The following C10orf105 variants were observed in gnomAD, a reference collection of about 807,000 sequenced individuals.
C10orf105 encodes uncharacterized protein C10orf105.
Under a neutral mutation model 0.6 loss-of-function variants are expected in C10orf105, and 2 were observed. The observed-to-expected ratio is 3.18, with a 90% confidence interval of 1.30 to 10.01. C10orf105 has a LOEUF of 10.01. Among genes scored for constraint, C10orf105 ranks in the 30% most tolerant of loss-of-function variants. The pLI, the probability that C10orf105 is intolerant of heterozygous loss-of-function variation, is 0.04. For synonymous variants in C10orf105, 95 were observed against 82.4 expected (o/e 1.15, Z -0.83); for missense variants, 209 against 191.4 (o/e 1.09, Z -0.54).
rs967980048 is a variant in C10orf105, at chr10:71,735,013, G to A, written c.-6+2715C>T. Reference sequence around the variant, plus strand: ...TAACGTCTCTGTGCTTCCCTTCCTCGGGTCTAAAACGAGGGTCATGCCAGC... The same window carrying A: ...TAACGTCTCTGTGCTTCCCTTCCTCAGGTCTAAAACGAGGGTCATGCCAGC... On this transcript the variant is annotated intron_variant, in intron 1 of 1. Coordinates refer to the C10orf105 transcript ENST00000398786. Among the ~76,000 whole-genome samples, 1 of 152,226 alleles carries A rather than the reference G, an allele frequency of 6.6e-6. No homozygotes were observed. Among genetic ancestry groups the A allele is most frequent in the Non-Finnish European group, 1.5e-5 (1 of 68,038 alleles).
intron 1 of C10orf105, among the ~76,000 whole-genome samples, chr10:71,726,301 G>A (rs979097509): frequency 5.3e-5 from 8 of 152,084 alleles, no homozygotes; most frequent in Non-Finnish European, 1.2e-4. Flanking sequence ...AGAGCAAGCA[G>A]GGACTTTCAC....
intron 1 of C10orf105, chr10:71,716,920 A>G (rs1299716706): frequency 6.6e-6 from 1 of 152,198 alleles, no homozygotes; most frequent in Non-Finnish European, 1.5e-5. Context: ...GAATTTCACC[A>G]CTGGCATTGG....
intron 1 of C10orf105, among the ~76,000 whole-genome samples, chr10:71,729,799 C>A (rs1336487045): frequency 1.3e-5 from 2 of 151,976 alleles, no homozygotes; most frequent in African/African-American, 4.8e-5. Flanking sequence ...TCATAACAAC[C>A]TTAGGAGTGG....
rs1325594724 is a variant in C10orf105 at position 71,715,987 on chromosome 10, G to T, written c.351C>A (p.Gly117=). The T allele has an allele frequency of 6.7e-7, 1 of 1,493,730 alleles. No individual in the cohort carries two copies. Among genetic ancestry groups the T allele is most frequent in the Admixed American group, 2.5e-5 (1 of 40,392 alleles). The allele number at this position is 1,493,730 out of a possible 1,614,324, so 92.5% of individuals were successfully genotyped here. The part of the protein sequence containing the change: ...RPTVPRQPLP[G]PEDNRSHCDY... ...CACAGTGGCTGCGGTTGTCCTCGGG[G>T]CCCGGCAGGGGCTGTCGAGGGACGG... Residue 117 remains glycine (G), a synonymous_variant, in exon 2 of 2, where the codon GGC becomes GGA. Transcript: ENST00000441508.
At chr10:71,728,766 T>A (rs762049015) in intron 1 of C10orf105, among the ~76,000 whole-genome samples, 1 of 152,148 alleles carries the variant, frequency 6.6e-6, no homozygotes, top group Non-Finnish European at 1.5e-5. Flanking sequence ...CACCCCAGCA[T>A]AGAGCAAAGA....
chr10:71,715,944 T>C lies in C10orf105; in HGVS notation c.394A>G (p.Lys132Glu), dbSNP rs1866199472. ...RSHCDYMEST[K>E]M ...TGTTTGTGGACACCCCATTACATCT[T>C]GGTAGATTCCATGTAGTCACAGTGG... The change falls in exon 2 of 2, where the codon AAG becomes GAG. Residue 132 changes from lysine (K) to glutamate (E), a missense_variant. By Grantham distance (56) the Lys-to-Glu change is moderately conservative. Coordinates refer to ENST00000441508, the MANE Select transcript of C10orf105 (RefSeq NM_001164375.3). The C allele has an allele frequency of 1.4e-6, 2 of 1,467,414 alleles. No homozygotes were observed. Among genetic ancestry groups the C allele is most frequent in the Non-Finnish European group, 9.0e-7 (1 of 1,109,068 alleles). The allele number at this position is 1,467,414 out of a possible 1,614,324, so 90.9% of individuals were successfully genotyped here.
At chr10:71,717,908 T>G (rs1447410479) in intron 1 of C10orf105, 1 of 152,226 alleles carries the variant, frequency 6.6e-6, no homozygotes, top group African/African-American at 2.4e-5. Flanking sequence ...TTCAAAATAA[T>G]GTGAAATGAA....
At chr10:71,725,303 T>C in intron 1 of C10orf105, 7 of 1,609,094 alleles carry the variant, frequency 4.4e-6, no homozygotes, top group South Asian at 1.1e-5. Flanking sequence ...CCCCCAACCA[T>C]GGCAGGCCAG....
chr10:71,732,375 G>C, intron 1 of C10orf105: 2 of 1,559,134 alleles, frequency 1.3e-6, no homozygotes, highest in Non-Finnish European at 1.7e-6. Flanking sequence ...ACGCCATCAC[G>C]GTGAGGGGCT....
chr10:71,730,429 A>G, intron 1 of C10orf105: 1 of 1,606,812 alleles, frequency 6.2e-7, no homozygotes, highest in Non-Finnish European at 8.5e-7. Flanking sequence ...CCCAGCCTCC[A>G]CCCCACCCTG....
Position 71,732,091 on chromosome 10 carries a change from G to A in C10orf105, c.-6+5637C>T, listed in dbSNP as rs775540526. The A allele has an allele frequency of 6.8e-6, 11 of 1,613,898 alleles. No homozygotes were observed. The highest frequency in any genetic ancestry group is 4.5e-5 in the East Asian group (2 of 44,898). ...CATCACCGTGAATTACCTGGACTAC[G>A]AGACCAAGACCAGCTACATGATGAA... On this transcript the variant is annotated intron_variant, in intron 1 of 1. Transcript: ENST00000398786.
At chr10:71,725,169 G>A (rs907825732) in intron 1 of C10orf105, among the ~76,000 whole-genome samples, 1 of 152,182 alleles carries the variant, frequency 6.6e-6, no homozygotes, top group Non-Finnish European at 1.5e-5. Context: ...CAGGTGAAAC[G>A]CATTGGGGAT....
At chr10:71,727,794 C>T (rs1866883609) in intron 1 of C10orf105, among the ~76,000 whole-genome samples, 2 of 152,246 alleles carry the variant, frequency 1.3e-5, no homozygotes, top group African/African-American at 4.8e-5. Flanking sequence ...AGGCACAGCA[C>T]TGGACAGAAA....
At chr10:71,718,704 G>C (rs886395548) in intron 1 of C10orf105, among the ~76,000 whole-genome samples, 8 of 152,222 alleles carry the variant, frequency 5.3e-5, no homozygotes, top group African/African-American at 1.9e-4. Flanking sequence ...GCCTTCAAAG[G>C]AATCTGGAGA....
chr10:71,723,750 G>A (rs894626318), upstream of C10orf105, among the ~76,000 whole-genome samples: 9 of 152,176 alleles, frequency 5.9e-5, no homozygotes, highest in Admixed American at 6.5e-5. Context: ...TGGACCCAGC[G>A]AGCTGCAGTG....
At chr10:71,724,823 G>A (rs1402678776) in intron 1 of C10orf105, among the ~76,000 whole-genome samples, 1 of 152,210 alleles carries the variant, frequency 6.6e-6, no homozygotes, top group African/African-American at 2.4e-5. Context: ...CGAATCAGGG[G>A]TAAAGTCACT....
chr10:71,728,092 C>T (rs1866895960), intron 1 of C10orf105, among the ~76,000 whole-genome samples: 1 of 152,084 alleles, frequency 6.6e-6, no homozygotes, highest in Non-Finnish European at 1.5e-5. Context: ...GTCATTTGGA[C>T]AAGCAGATTG....
intron 1 of C10orf105, among the ~76,000 whole-genome samples, chr10:71,726,766 CT>C (rs1866830585): frequency 6.6e-6 from 1 of 152,252 alleles, no homozygotes; most frequent in African/African-American, 2.4e-5. Flanking sequence ...GTCAGCGAAG[CT>C]GGGGTTGGGT....
chr10:71,716,239 A>T lies in C10orf105; in HGVS notation c.99T>A (p.Thr33=), dbSNP rs1408004760. ...PVTPGTLAEA[T]DPLPMLIALA... ...GGGCGATGAGCATGGGGAGGGGGTC[A>T]GTTGCCTCTGCAAGGGTCCCGGGAG... The change falls in exon 2 of 2, where the codon ACT becomes ACA. Residue 33 remains threonine, a synonymous_variant. Transcript: ENST00000441508. 5 of 1,550,116 alleles carry T rather than the reference A, an allele frequency of 3.2e-6. No individual in the cohort carries two copies. The Admixed American group carries it at 5.9e-5, about 18-fold the overall frequency.
Sources: allele counts gnomAD v4.1 joint callset (sites outside exome capture counted in the v4.1 genomes callset), GRCh38; gene constraint gnomAD v4.1.1; transcripts MANE v1.5; gene names NCBI Gene and HGNC (gene_info 2026-07-23, HGNC 2026-07-21).